The following ABR variants were observed in gnomAD, a reference collection of about 807,000 sequenced individuals.
The protein encoded by ABR is active breakpoint cluster region-related protein.
In ABR, 35 loss-of-function variants were observed where a neutral mutation model predicts 107.2. The ratio of observed to expected loss-of-function variants is 0.33; its 90% CI spans 0.25 to 0.43. The LOEUF (loss-of-function observed/expected upper bound fraction) is 0.43, where lower values mean the gene tolerates loss of function less well. Ranked by LOEUF, ABR falls within the 20% of genes least tolerant of loss-of-function variation. The probability of loss-of-function intolerance (pLI) is 1.00; values close to 1 mark genes in which losing one functional copy is unlikely to be tolerated. For synonymous variants in ABR, 498 were observed against 462.0 expected (o/e 1.08, Z -1.00); for missense variants, 815 against 1,115.2 (o/e 0.73, Z 3.83).
chr17:1,174,382 G>A (rs770611100), intron 1 of ABR, among the ~76,000 whole-genome samples: 8 of 152,100 alleles, frequency 5.3e-5, no homozygotes, highest in South Asian at 2.1e-4. Flanking sequence ...GGTCTGATGC[G>A]GCCCCGAGAA....
intron 16 of ABR, among the ~76,000 whole-genome samples, chr17:1,018,162 C>G (rs758749585): frequency 3.3e-4 from 51 of 152,258 alleles, no homozygotes; most frequent in Non-Finnish European, 6.2e-4. Context: ...CCTGCCTCAG[C>G]CTCCTGAGTA....
intron 1 of ABR, among the ~76,000 whole-genome samples, chr17:1,132,202 C>CACACACACACACAAAG (rs2039874264): frequency 6.6e-6 from 1 of 150,962 alleles, no homozygotes; most frequent in African/African-American, 2.4e-5. Context: ...TCTCTATGAA[C>CACACACACACACAAAG]ACACACACAC....
intron 6 of ABR, among the ~76,000 whole-genome samples, chr17:1,074,242 G>A (rs912498496): frequency 3.4e-5 from 5 of 147,422 alleles, no homozygotes; most frequent in Non-Finnish European, 6.0e-5. Flanking sequence ...ACCCAGCCAC[G>A]CCCCGTAGAG....
At chr17:1,058,137 T>TTA in intron 11 of ABR, 92 bp from the exon 12 acceptor site, 1 of 116,094 alleles carries the variant, frequency 8.6e-6, no homozygotes, top group Non-Finnish European at 1.3e-5. Flanking sequence ...TCCTTTTATC[T>TTA]TTTTTTTTTT....
At chr17:1,219,485 G>A (rs1012545083) in intron 1 of ABR, among the ~76,000 whole-genome samples, 1 of 150,710 alleles carries the variant, frequency 6.6e-6, no homozygotes, top group Non-Finnish European at 1.5e-5. Flanking sequence ...GACTGATGAT[G>A]TGCATCTGGA....
intron 1 of ABR, among the ~76,000 whole-genome samples, chr17:1,195,301 T>TTG (rs1325196186): frequency 2.6e-4 from 18 of 70,250 alleles, no homozygotes; most frequent in East Asian, 2.8e-3. Context: ...AATGAGACTG[T>TTG]CTCAAAAAAA....
At chr17:1,012,606 C>T (rs747071221) in intron 18 of ABR, 82 bp downstream of exon 18, 51 of 1,017,760 alleles carry the variant, frequency 5.0e-5, no homozygotes, top group South Asian at 1.7e-4. Flanking sequence ...GGATGGGCAC[C>T]GGCGGGGAGG....
At position 1,220,217 on chromosome 17, in the gene ABR, G is replaced by A. The variant is rs546119356; in HGVS notation, c.838+8576C>T. Among the ~76,000 whole-genome samples the A allele has an allele frequency of 5.9e-5, 9 of 152,082 alleles. No homozygotes were observed. In the South Asian group the frequency reaches 8.3e-4, roughly 14 times the overall value. On this transcript the variant is annotated intron_variant, in intron 1 of 22. Coordinates refer to the ABR transcript ENST00000574139. ...GAGACAGGAGAATGGTGTGGATCCC[G>A]GAGGCAGAGCTTGCAGTGAACCAAG...
At chr17:1,018,293 C>CCTT (rs2071354270) in intron 16 of ABR, among the ~76,000 whole-genome samples, 3 of 151,388 alleles carry the variant, frequency 2.0e-5, no homozygotes, top group Non-Finnish European at 3.0e-5. Flanking sequence ...TCGCCCACCT[C>CCTT]GGCCTCCCAA....
In ABR at chr17:1,057,051, G is replaced by C. The variant is rs1263838307; in HGVS notation, c.1433C>G (p.Ser478Cys). ...GTGTACAGTCCTAAGCTTGAAACAGGATCCTGTGAGCACCTGGAGCTCCAC... is the reference window on the plus strand; with the variant it reads ...GTGTACAGTCCTAAGCTTGAAACAGCATCCTGTGAGCACCTGGAGCTCCAC... ...SSVELQVLTGSCFKLRTVHNI... is the reference protein window; with the variant it reads ...SSVELQVLTGCCFKLRTVHNI... The change falls in exon 13 of 23, where the codon TCC becomes TGC. Residue 478 changes from serine to cysteine, a missense_variant. Physicochemically the swap from Ser to Cys is moderately radical, Grantham distance 112. This residue lies in a region of ABR where 385 missense variants were observed against 596.9 expected (regional missense o/e 0.64). Coordinates refer to ENST00000302538, the MANE Select transcript of ABR (RefSeq NM_021962.5). 6.2e-7 allele frequency: 1 copy of C among 1,613,134 alleles called. No homozygotes were observed. The highest frequency in any genetic ancestry group is 1.1e-5 in the South Asian group (1 of 91,006).
chr17:1,040,582 G>A (rs1040295954), intron 16 of ABR, among the ~76,000 whole-genome samples: 22 of 152,308 alleles, frequency 1.4e-4, no homozygotes, highest in East Asian at 9.7e-4. Flanking sequence ...CAAAGGCCCC[G>A]ACCCAGGGGA....
intron 6 of ABR, among the ~76,000 whole-genome samples, chr17:1,075,379 C>T (rs537594008): frequency 2.0e-4 from 30 of 152,366 alleles, no homozygotes; most frequent in African/African-American, 7.0e-4. Flanking sequence ...CAGGTCCCAG[C>T]GTGAACACGC....
At position 1,071,071 on chromosome 17, in the gene ABR, G is replaced by C. The variant is rs2035198493; in HGVS notation, c.895-981C>G. On this transcript the variant is annotated intron_variant, in intron 8 of 22. Coordinates refer to ENST00000302538, the MANE Select transcript of ABR (RefSeq NM_021962.5). This position sits in a 1 kb window ranked among gnomAD's most constrained non-coding sequence, Gnocchi z 5.1. ...TCAGCTACTTGGGAGGATGAGGCAG[G>C]AGAATTGCTTGAACCCAGAGGGTGG... is the stretch of plus-strand genomic sequence containing the variant. Among the ~76,000 whole-genome samples the C allele has an allele frequency of 1.3e-5, 2 of 152,134 alleles. No individual in the cohort carries two copies. Among genetic ancestry groups the C allele is most frequent in the African/African-American group, 4.8e-5 (2 of 41,428 alleles).
intron 1 of ABR, among the ~76,000 whole-genome samples, chr17:1,134,676 G>A (rs1406933524): frequency 6.6e-6 from 1 of 152,220 alleles, no homozygotes; most frequent in Non-Finnish European, 1.5e-5. Context: ...GGCCCGGCAA[G>A]GCGGACCGGA....
intron 2 of ABR, among the ~76,000 whole-genome samples, chr17:1,117,368 AGCCTG>A: frequency 1.2e-5 from 1 of 86,002 alleles, no homozygotes; most frequent in Non-Finnish European, 2.4e-5. Context: ...GTTATCCCTG[AGCCTG>A]AGTTCCTCCC....
intron 1 of ABR, among the ~76,000 whole-genome samples, chr17:1,218,665 C>T (rs974164703): frequency 1.3e-5 from 2 of 152,184 alleles, no homozygotes; most frequent in African/African-American, 2.4e-5. Context: ...GCTCAACATT[C>T]GGCATGCCAA....
chr17:1,124,625 A>G (rs2039507876), intron 2 of ABR, among the ~76,000 whole-genome samples: 1 of 152,212 alleles, frequency 6.6e-6, no homozygotes, highest in Admixed American at 6.5e-5. Context: ...TATTCCTTCT[A>G]CAATGCTTCT....
At chr17:1,161,013 C>T (rs2041270174) in intron 1 of ABR, among the ~76,000 whole-genome samples, 2 of 152,168 alleles carry the variant, frequency 1.3e-5, no homozygotes, top group African/African-American at 4.8e-5. Context: ...CTGGACCGCC[C>T]TGCCTGCTAA....
At chr17:1,112,136 T>A (rs2038708768) in intron 2 of ABR, among the ~76,000 whole-genome samples, 1 of 152,264 alleles carries the variant, frequency 6.6e-6, no homozygotes, top group African/African-American at 2.4e-5. Context: ...CTTTGGCTCC[T>A]GATCTTGTCT....
Sources: gnomAD v4.1 joint callset for allele counts (sites outside exome capture counted in the v4.1 genomes callset) on GRCh38, gnomAD v4.1.1 for gene constraint, gnomAD v4.1.1 regional missense constraint, Gnocchi (gnomAD v3.1) non-coding constraint, MANE v1.5 for transcripts, NCBI Gene and HGNC (gene_info 2026-07-23, HGNC 2026-07-21) for gene names.